KANK1: variants seen among roughly 807,000 people sequenced by gnomAD.
KANK1 encodes the protein KN motif and ankyrin repeat domain-containing protein 1.
In KANK1, 109 loss-of-function variants were observed where a neutral mutation model predicts 106.2. The ratio of observed to expected loss-of-function variants is 1.03; its 90% CI spans 0.88 to 1.20. KANK1 has a LOEUF of 1.20. KANK1 is among the 50% of genes most tolerant of loss of function. The probability of loss-of-function intolerance (pLI) is 0.00; values close to 1 mark genes in which losing one functional copy is unlikely to be tolerated. For synonymous variants in KANK1, 873 were observed against 652.2 expected (o/e 1.34, Z -5.16); for missense variants, 2,399 against 1,710.7 (o/e 1.40, Z -7.10).
intron 1 of KANK1, among the ~76,000 whole-genome samples, chr9:663,464 C>A (rs138900806): frequency 1.3e-5 from 2 of 152,266 alleles, no homozygotes; most frequent in African/African-American, 2.4e-5. Context: ...TGTACCTATA[C>A]CGAGTCATAA....
rs1395910176 is a variant in KANK1 at position 594,754 on chromosome 9, T to A, written c.-83-82136T>A. Among the ~76,000 whole-genome samples the A allele has an allele frequency of 2.0e-5, 3 of 151,784 alleles. 1 individual carries two copies. The highest frequency in any genetic ancestry group is 7.3e-5 in the African/African-American group (3 of 41,118). ...CAGTTGTTTCTAGAATTTAAAAAAA[T>A]TAATAATTTTTAATAATGACACTTT... On this transcript the variant is annotated intron_variant, in intron 1 of 11. Coordinates refer to ENST00000382297, the MANE Select transcript of KANK1 (RefSeq NM_015158.5).
At chr9:529,217 G>GT (rs200894293) in intron 1 of KANK1, among the ~76,000 whole-genome samples, 9 of 148,622 alleles carry the variant, frequency 6.1e-5, no homozygotes, top group African/African-American at 1.0e-4. Context: ...AGATAACTCT[G>GT]TTAATATATA....
At chr9:504,305 G>A (rs952214750), upstream of KANK1, among the ~76,000 whole-genome samples, 1 of 152,074 alleles carries the variant, frequency 6.6e-6, no homozygotes, top group Non-Finnish European at 1.5e-5. Flanking sequence ...CCGCGGTGGA[G>A]GAAGTTCTTC....
At chr9:493,735 C>T (rs2058414816) in intron 3 of KANK1, among the ~76,000 whole-genome samples, 1 of 151,234 alleles carries the variant, frequency 6.6e-6, no homozygotes. Context: ...TTAGTAGAGA[C>T]AGGGTTTCAC....
intron 2 of KANK1, among the ~76,000 whole-genome samples, chr9:709,713 T>G (rs1434238548): frequency 6.6e-6 from 1 of 151,772 alleles, no homozygotes; most frequent in Non-Finnish European, 1.5e-5. Context: ...CCTCCTGGAT[T>G]CAAGCAATTC....
rs112790115 is a variant in KANK1 at position 616,627 on chromosome 9, A to G, written c.-83-60263A>G. 8.9e-3 allele frequency among the ~76,000 whole-genome samples: 1,355 copies of G among 152,298 alleles called. 36 individuals are homozygous for G. The highest frequency in any genetic ancestry group is 0.031 in the African/African-American group (1,281 of 41,550). ...ACTAAGTGTCCTTTCTAAGCCACTC[A>G]TTATCAATCAAGATAGTAATTATTC... On this transcript the variant is annotated intron_variant, in intron 1 of 11. Coordinates refer to ENST00000382297, the MANE Select transcript of KANK1 (RefSeq NM_015158.5).
intron 1 of KANK1, among the ~76,000 whole-genome samples, chr9:551,234 C>T (rs2061263329): frequency 6.6e-6 from 1 of 151,330 alleles, no homozygotes; most frequent in Non-Finnish European, 1.5e-5. Flanking sequence ...TAAGGGCAAG[C>T]AGAAGACACA....
chr9:543,134 T>A (rs983792336), intron 1 of KANK1, among the ~76,000 whole-genome samples: 4 of 152,222 alleles, frequency 2.6e-5, no homozygotes, highest in Admixed American at 1.3e-4. Context: ...TATACAATTT[T>A]TATTTTTTAA....
At chr9:479,137 A>G (rs533746713) in intron 3 of KANK1, among the ~76,000 whole-genome samples, 7 of 152,338 alleles carry the variant, frequency 4.6e-5, no homozygotes, top group African/African-American at 1.4e-4. Context: ...TGCAATGCAT[A>G]TCAGTCACAA....
rs963176756 is a variant in KANK1, at chr9:595,038, T to C, written c.-83-81852T>C. ...ATTCGAAAAGAAAAAAAAGAATTTT[T>C]AGAAAAGTTGCCTTTTAATTTAAAT... On this transcript the variant is annotated intron_variant, in intron 1 of 11. Transcript: ENST00000382297. Among the ~76,000 whole-genome samples, 4 of 151,970 alleles carry C rather than the reference T, an allele frequency of 2.6e-5. No individual in the cohort carries two copies. The South Asian group carries it at 6.2e-4, about 24-fold the overall frequency.
chr9:543,752 C>T lies in KANK1; in HGVS notation c.-84+38998C>T, dbSNP rs146151741. Among the ~76,000 whole-genome samples, 767 of 152,198 alleles carry T rather than the reference C, an allele frequency of 5.0e-3. 11 individuals carry two copies. The highest frequency in any genetic ancestry group is 0.018 in the African/African-American group (728 of 41,548). Reference sequence around the variant, plus strand: ...TTTACAAAGTTTCCACTTGAAAAAACATAACTCTAATTGATTTAAAAAAGT... The same window carrying T: ...TTTACAAAGTTTCCACTTGAAAAAATATAACTCTAATTGATTTAAAAAAGT... On this transcript the variant is annotated intron_variant, in intron 1 of 11. Transcript: ENST00000382297.
At chr9:599,638 T>TGGGTCCACTTATATGC (rs1354602307) in intron 1 of KANK1, among the ~76,000 whole-genome samples, 1 of 151,894 alleles carries the variant, frequency 6.6e-6, no homozygotes, top group Non-Finnish European at 1.5e-5. Context: ...TTGAACATCA[T>TGGGTCCACTTATATGC]GGGTCCACTT....
At chr9:622,226 G>C (rs1833310784) in intron 1 of KANK1, among the ~76,000 whole-genome samples, 1 of 152,132 alleles carries the variant, frequency 6.6e-6, no homozygotes, top group South Asian at 2.1e-4. Flanking sequence ...ATCCATAAAA[G>C]ACTTCCCTTG....
intron 1 of KANK1, among the ~76,000 whole-genome samples, chr9:573,921 A>G (rs1297920375): frequency 6.6e-6 from 1 of 152,212 alleles, no homozygotes; most frequent in Non-Finnish European, 1.5e-5. Context: ...TTGTAATTGC[A>G]TTTAGCTTTA....
intron 2 of KANK1, among the ~76,000 whole-genome samples, chr9:702,510 A>G (rs538546119): frequency 4.7e-4 from 71 of 152,160 alleles, no homozygotes; most frequent in Non-Finnish European, 8.4e-4. Flanking sequence ...AGATAGAGAA[A>G]GAGAGACAGA....
chr9:557,960 G>A (rs188682900), intron 1 of KANK1, among the ~76,000 whole-genome samples: 5 of 152,030 alleles, frequency 3.3e-5, no homozygotes, highest in East Asian at 3.9e-4. Context: ...AGCTATGATC[G>A]CGCCACTGCA....
chr9:737,439 T>G (rs1834089032), intron 7 of KANK1, among the ~76,000 whole-genome samples: 1 of 152,174 alleles, frequency 6.6e-6, no homozygotes, highest in Admixed American at 6.6e-5. Flanking sequence ...CAGAAATGAA[T>G]ATTAAACTCA....
intron 1 of KANK1, among the ~76,000 whole-genome samples, chr9:641,504 A>G (rs898375006): frequency 1.3e-5 from 2 of 152,142 alleles, no homozygotes; most frequent in Admixed American, 6.5e-5. Flanking sequence ...ACAACATGCA[A>G]ATGGAGCTGC....
At chr9:743,351 C>T (rs1836206174) in intron 10 of KANK1, among the ~76,000 whole-genome samples, 1 of 152,172 alleles carries the variant, frequency 6.6e-6, no homozygotes, top group Non-Finnish European at 1.5e-5. Flanking sequence ...CACAGGAGCA[C>T]ATGGAAGCTG....
Sources: gnomAD v4.1 joint callset for allele counts (sites outside exome capture counted in the v4.1 genomes callset) on GRCh38, gnomAD v4.1.1 for gene constraint, MANE v1.5 for transcripts, NCBI Gene and HGNC (gene_info 2026-07-23, HGNC 2026-07-21) for gene names.